The following MTUS2 variants were observed in gnomAD, a reference collection of about 807,000 sequenced individuals.
MTUS2 encodes the protein microtubule associated scaffold protein 2.
MTUS2 carries 40 observed loss-of-function variants against 114.1 expected under a neutral mutation model. That is an observed-to-expected ratio of 0.35 (90% CI 0.27 to 0.46). MTUS2 has a LOEUF of 0.46. MTUS2 is among the 20% of genes least tolerant of loss of function. The pLI is 1.00. For synonymous variants in MTUS2, 688 were observed against 672.0 expected, an observed-to-expected ratio of 1.02 and a Z score of -0.37; for missense variants, 1,679 against 1,705.4, an observed-to-expected ratio of 0.98 and a Z score of 0.27.
intron 2 of MTUS2, among the ~76,000 whole-genome samples, chr13:28,896,766 A>G (rs1307751684): frequency 6.6e-6 from 1 of 152,252 alleles, no homozygotes; most frequent in East Asian, 1.9e-4. Flanking sequence ...CAACCATCTG[A>G]TCTTTGACAA....
At chr13:29,202,905 A>G (rs1271545332) in intron 5 of MTUS2, among the ~76,000 whole-genome samples, 1 of 152,160 alleles carries the variant, frequency 6.6e-6, no homozygotes, top group Non-Finnish European at 1.5e-5. Context: ...GGCACCTGCC[A>G]GATGCCAGCC....
intron 5 of MTUS2, among the ~76,000 whole-genome samples, chr13:29,156,218 T>C (rs1812249084): frequency 6.6e-6 from 1 of 152,160 alleles, no homozygotes; most frequent in South Asian, 2.1e-4. Flanking sequence ...AATTGAATTA[T>C]AAGTGATTAT....
Position 29,071,301 on chromosome 13 carries a change from C to T in MTUS2, c.2447-29472C>T, listed in dbSNP as rs145907877. ...AGGTGTGAGCCACCGTGCCCAGCAT[C>T]TTGCTTGTTTTTATAGCACATTGTT... On this transcript the variant is annotated intron_variant, in intron 4 of 15. Coordinates refer to ENST00000612955, the MANE Select transcript of MTUS2 (RefSeq NM_001033602.4). 2.7e-5 allele frequency among the ~76,000 whole-genome samples: 4 copies of T among 148,856 alleles called. No individual in the cohort carries two copies. In the East Asian group the frequency reaches 8.1e-4, roughly 30 times the overall value.
At chr13:29,152,701 C>A (rs145899238) in intron 5 of MTUS2, among the ~76,000 whole-genome samples, 2 of 152,102 alleles carry the variant, frequency 1.3e-5, no homozygotes, top group South Asian at 2.1e-4. Context: ...GTGGCTTCCC[C>A]GAGAGAGAGA....
At chr13:28,905,316 C>G (rs1436132916) in intron 2 of MTUS2, among the ~76,000 whole-genome samples, 4 of 151,734 alleles carry the variant, frequency 2.6e-5, no homozygotes, top group Admixed American at 2.0e-4. Flanking sequence ...TGACAGAGGG[C>G]ATCCCTGTCT....
At chr13:29,392,148 A>AGC (rs550098693) in intron 8 of MTUS2, among the ~76,000 whole-genome samples, 6 of 4,890 alleles carry the variant, frequency 1.2e-3, no homozygotes, top group Admixed American at 0.024. Flanking sequence ...AAACAAACCA[A>AGC]AAAAAAAAAA....
At chr13:29,050,574 C>G (rs1887845692) in intron 4 of MTUS2, among the ~76,000 whole-genome samples, 1 of 152,290 alleles carries the variant, frequency 6.6e-6, no homozygotes, top group East Asian at 1.9e-4. Context: ...ACCTCGGTCA[C>G]AACCATCAGC....
chr13:29,091,063 T>C (rs1311984543), intron 4 of MTUS2, among the ~76,000 whole-genome samples: 2 of 152,136 alleles, frequency 1.3e-5, no homozygotes, highest in Non-Finnish European at 2.9e-5. Flanking sequence ...TCAGCAACTT[T>C]GTGCAGGGTT....
chr13:29,129,028 G>C (rs749442760), intron 5 of MTUS2, among the ~76,000 whole-genome samples: 2 of 152,040 alleles, frequency 1.3e-5, no homozygotes, highest in East Asian at 1.9e-4. Flanking sequence ...CCTAAATGTC[G>C]GGCCTTGTAG....
chr13:29,470,274 G>C (rs1880183300), intron 9 of MTUS2, among the ~76,000 whole-genome samples: 2 of 152,094 alleles, frequency 1.3e-5, no homozygotes, highest in East Asian at 3.9e-4. Context: ...ATCATGAAAG[G>C]CTTATCAAAA....
intron 5 of MTUS2, chr13:29,250,614 T>A (rs983222211): frequency 1.3e-5 from 2 of 151,830 alleles, no homozygotes; most frequent in African/African-American, 4.8e-5. Flanking sequence ...AATTCTCACC[T>A]TTTTGTCCAC....
At chr13:29,489,980 A>T (rs978696209) in intron 11 of MTUS2, 4 of 152,182 alleles carry the variant, frequency 2.6e-5, no homozygotes, top group African/African-American at 9.7e-5. Context: ...ATTTTCACAT[A>T]AATCTGGTGG....
At chr13:29,391,143 G>A (rs1451965626) in intron 8 of MTUS2, among the ~76,000 whole-genome samples, 1 of 152,088 alleles carries the variant, frequency 6.6e-6, no homozygotes, top group African/African-American at 2.4e-5. Context: ...AGGCCAGAGT[G>A]CAGTGGCGTG....
intron 4 of MTUS2, among the ~76,000 whole-genome samples, chr13:29,036,093 G>A (rs1887051252): frequency 6.8e-6 from 1 of 146,172 alleles, no homozygotes; most frequent in South Asian, 2.2e-4. Flanking sequence ...ACAGTGAGCC[G>A]AGATCGCACC....
At chr13:29,378,200 T>A (rs953374707) in intron 8 of MTUS2, among the ~76,000 whole-genome samples, 47 of 152,202 alleles carry the variant, frequency 3.1e-4, no homozygotes, top group African/African-American at 1.1e-3. Context: ...CATCTGTATA[T>A]GTGTTTACAT....
chr13:29,241,567 C>G (rs1896735391), intron 5 of MTUS2, among the ~76,000 whole-genome samples: 1 of 152,140 alleles, frequency 6.6e-6, no homozygotes, highest in Admixed American at 6.5e-5. Context: ...ATTTCAGTCT[C>G]TCTTCAAACC....
chr13:29,493,181 G>C (rs572847574), intron 12 of MTUS2, among the ~76,000 whole-genome samples: 45 of 152,314 alleles, frequency 3.0e-4, no homozygotes, highest in Admixed American at 2.4e-3. Context: ...GAGACGAAAA[G>C]CACCTTCTCT....
At position 29,085,582 on chromosome 13, in the gene MTUS2, C is replaced by T. The variant is rs373910422; in HGVS notation, c.2447-15191C>T. 1.1e-4 allele frequency among the ~76,000 whole-genome samples: 16 copies of T among 152,284 alleles called. No homozygotes were observed. In the South Asian group the frequency reaches 3.1e-3, roughly 30 times the overall value. On this transcript the variant is annotated intron_variant, in intron 4 of 15. Coordinates refer to ENST00000612955, the MANE Select transcript of MTUS2 (RefSeq NM_001033602.4). ...GTTAATTTGCTTAGGGTAATGGCCT[C>T]CAGCTCCACCCATGTTCCTGCAAAG...
intron 9 of MTUS2, among the ~76,000 whole-genome samples, chr13:29,456,749 A>T (rs1879133586): frequency 6.6e-6 from 1 of 152,224 alleles, no homozygotes; most frequent in African/African-American, 2.4e-5. Flanking sequence ...GTCAACCAGA[A>T]TTCTATATCT....
Sources: allele counts gnomAD v4.1 joint callset (sites outside exome capture counted in the v4.1 genomes callset), GRCh38; gene constraint gnomAD v4.1.1; transcripts MANE v1.5; gene names NCBI Gene and HGNC (gene_info 2026-07-23, HGNC 2026-07-21).